APBA2: variants seen among roughly 807,000 people sequenced by gnomAD.
APBA2 encodes amyloid-beta A4 precursor protein-binding family A member 2.
In APBA2, 30 loss-of-function variants were observed where a neutral mutation model predicts 75.0. The ratio of observed to expected loss-of-function variants is 0.40; its 90% CI spans 0.30 to 0.54. The LOEUF is 0.54. Among genes scored for constraint, APBA2 ranks in the 20% least tolerant of loss-of-function variants. The pLI is 0.49. For synonymous variants in APBA2, 444 were observed against 409.6 expected, an observed-to-expected ratio of 1.08 and a Z score of -1.01; for missense variants, 801 against 1,016.1, an observed-to-expected ratio of 0.79 and a Z score of 2.88.
chr15:29,051,996 T>TA (rs2041615958), intron 3 of APBA2, among the ~76,000 whole-genome samples: 1 of 152,182 alleles, frequency 6.6e-6, no homozygotes. Context: ...AAAATAGACA[T>TA]AAAAAATTTA....
chr15:29,107,267 G>A (rs1268728468), intron 12 of APBA2, among the ~76,000 whole-genome samples: 1 of 152,202 alleles, frequency 6.6e-6, no homozygotes, highest in Non-Finnish European at 1.5e-5. Flanking sequence ...TAAGTAAGGA[G>A]GCCACCCTGA....
chr15:29,015,375 C>CA (rs1046915200), intron 3 of APBA2, among the ~76,000 whole-genome samples: 7 of 151,778 alleles, frequency 4.6e-5, no homozygotes, highest in Non-Finnish European at 8.8e-5. Context: ...TGTTAAGAGA[C>CA]AAAAAAAATG....
intron 7 of APBA2, among the ~76,000 whole-genome samples, chr15:29,093,825 C>A (rs978197512): frequency 1.3e-5 from 2 of 152,178 alleles, no homozygotes; most frequent in African/African-American, 4.8e-5. Context: ...CAACCTCCTC[C>A]CCAGCCCTCA....
At chr15:29,095,797 T>A (rs1035055947) in intron 8 of APBA2, among the ~76,000 whole-genome samples, 1 of 152,222 alleles carries the variant, frequency 6.6e-6, no homozygotes, top group African/African-American at 2.4e-5. Flanking sequence ...AGGATCATGC[T>A]CATGCTCCTC....
chr15:28,975,672 T>C (rs868443399), intron 2 of APBA2, among the ~76,000 whole-genome samples: 3 of 152,212 alleles, frequency 2.0e-5, no homozygotes, highest in African/African-American at 4.8e-5. Context: ...CAAAACTGCT[T>C]TCGCATGATG....
intron 3 of APBA2, among the ~76,000 whole-genome samples, chr15:29,008,631 C>A (rs1477387918): frequency 6.6e-6 from 1 of 152,072 alleles, no homozygotes; most frequent in East Asian, 1.9e-4. Context: ...GTCCTTTGAG[C>A]CTGGAAGTTC....
At chr15:28,972,921 A>G (rs575168328) in intron 2 of APBA2, among the ~76,000 whole-genome samples, 1 of 152,370 alleles carries the variant, frequency 6.6e-6, no homozygotes, top group South Asian at 2.1e-4. Flanking sequence ...TTTTCCTATT[A>G]CAATTGCATT....
intron 2 of APBA2, among the ~76,000 whole-genome samples, chr15:28,926,304 C>G (rs2034255969): frequency 6.6e-6 from 1 of 152,162 alleles, no homozygotes; most frequent in East Asian, 1.9e-4. Flanking sequence ...TATCTCCTTT[C>G]ATAGTGTATC....
chr15:29,108,106 C>T (rs2044525414), intron 12 of APBA2, among the ~76,000 whole-genome samples, 164 bp from the exon 13 acceptor site: 1 of 151,996 alleles, frequency 6.6e-6, no homozygotes, highest in Admixed American at 6.5e-5. Flanking sequence ...CGAGGCTTGT[C>T]CCCGCTGCAC....
intron 3 of APBA2, among the ~76,000 whole-genome samples, chr15:29,030,176 A>C (rs2040416617): frequency 6.6e-6 from 1 of 152,130 alleles, no homozygotes; most frequent in South Asian, 2.1e-4. Context: ...AAGGAGAAAC[A>C]TGACCGGGCC....
chr15:29,084,159 A>G (rs1024987674), intron 6 of APBA2, among the ~76,000 whole-genome samples: 13 of 152,116 alleles, frequency 8.5e-5, no homozygotes, highest in Non-Finnish European at 1.5e-5. Flanking sequence ...GAATTCTCTT[A>G]TTTTTTAAAA....
intron 2 of APBA2, among the ~76,000 whole-genome samples, chr15:28,993,059 G>C (rs1196946117): frequency 6.6e-6 from 1 of 152,206 alleles, no homozygotes; most frequent in Non-Finnish European, 1.5e-5. Flanking sequence ...GTGCTTGGCA[G>C]ATGCAGGAAT....
chr15:28,908,071 G>A (rs1400449567), intron 1 of APBA2, among the ~76,000 whole-genome samples: 5 of 152,220 alleles, frequency 3.3e-5, no homozygotes, highest in Non-Finnish European at 7.3e-5. Context: ...GTGCAGGCCT[G>A]TGCCCGTGAC....
At chr15:29,027,071 G>T (rs1192220147) in intron 3 of APBA2, among the ~76,000 whole-genome samples, 1 of 152,196 alleles carries the variant, frequency 6.6e-6, no homozygotes, top group African/African-American at 2.4e-5. Context: ...TTTTGGTCAT[G>T]ACGTGTTAGT....
intron 6 of APBA2, among the ~76,000 whole-genome samples, chr15:29,089,566 C>T (rs896309266): frequency 9.9e-5 from 15 of 152,186 alleles, no homozygotes; most frequent in Non-Finnish European, 2.2e-4. Flanking sequence ...TTAGAAGCCT[C>T]TGTCCACCAC....
At chr15:28,888,754 G>A (rs2152600185) in intron 1 of APBA2, among the ~76,000 whole-genome samples, 1 of 152,216 alleles carries the variant, frequency 6.6e-6, no homozygotes, top group Middle Eastern at 3.4e-3. Context: ...CTGGGTGGCG[G>A]GCGGTCCTGG....
Position 29,046,672 on chromosome 15 carries a change from A to G in APBA2, c.-40-7173A>G, listed in dbSNP as rs928942423. 6.6e-6 allele frequency among the ~76,000 whole-genome samples: 1 copy of G among 152,258 alleles called. No individual in the cohort carries two copies. The highest frequency in any genetic ancestry group is 1.9e-4 in the East Asian group (1 of 5,198). On this transcript the variant is annotated intron_variant, in intron 3 of 14. Coordinates refer to ENST00000683413, the MANE Select transcript of APBA2 (RefSeq NM_001353788.2). The surrounding 1 kb of genome is among the most constrained non-coding windows in gnomAD (Gnocchi z 5.0). ...GCCCACAACCTTGGAATCTTGGGCC[A>G]TGAACCTGCACACTCTCCAGGTGGG...
At chr15:29,020,903 A>G (rs888412713) in intron 3 of APBA2, among the ~76,000 whole-genome samples, 3 of 152,276 alleles carry the variant, frequency 2.0e-5, no homozygotes, top group Admixed American at 1.3e-4. Context: ...ATACCCAGCA[A>G]ACATTTGTAT....
At chr15:29,005,460 T>C (rs1370998544) in intron 3 of APBA2, among the ~76,000 whole-genome samples, 1 of 152,022 alleles carries the variant, frequency 6.6e-6, no homozygotes, top group African/African-American at 2.4e-5. Context: ...CAGGGTCTCA[T>C]TGTGTTGCCC....
Sources: gnomAD v4.1 joint callset for allele counts (sites outside exome capture counted in the v4.1 genomes callset) on GRCh38, gnomAD v4.1.1 for gene constraint, Gnocchi (gnomAD v3.1) non-coding constraint, MANE v1.5 for transcripts, NCBI Gene and HGNC (gene_info 2026-07-23, HGNC 2026-07-21) for gene names.